PREX1: variants seen among roughly 807,000 people sequenced by gnomAD.
PREX1 encodes phosphatidylinositol-3,4,5-trisphosphate dependent Rac exchange factor 1, also known as phosphatidylinositol 3,4,5-trisphosphate-dependent Rac exchanger 1 protein.
Under a neutral mutation model 198.3 loss-of-function variants are expected in PREX1, and 41 were observed. That is an observed-to-expected ratio of 0.21 (90% confidence interval 0.16 to 0.27). The LOEUF is 0.27. Ranked by LOEUF, PREX1 falls within the 10% of genes least tolerant of loss-of-function variation. The probability of loss-of-function intolerance (pLI) is 1.00; values close to 1 mark genes in which losing one functional copy is unlikely to be tolerated. For missense variants in PREX1, 1,620 were observed against 2,200.7 expected (o/e 0.74, Z 5.28); for synonymous variants, 843 against 887.2 (o/e 0.95, Z 0.89).
rs1358985091 is a variant in PREX1 at position 48,791,448 on chromosome 20, C to T, written c.219+36194G>A. Among the ~76,000 whole-genome samples the T allele has an allele frequency of 3.3e-5, 5 of 152,188 alleles. No individual in the cohort carries two copies. The South Asian group carries it at 8.3e-4, about 25-fold the overall frequency. On this transcript the variant is annotated intron_variant, in intron 1 of 39. Transcript: ENST00000371941. ...GGTCAAGTCATTTGCCCCAAGGTCA[C>T]CCTGCTGGTGAGGGGTAAAGTCAAG... is the stretch of plus-strand genomic sequence containing the variant.
the PREX1 span, among the ~76,000 whole-genome samples, chr20:48,860,381 G>A: frequency 6.6e-6 from 1 of 152,204 alleles, no homozygotes; most frequent in East Asian, 1.9e-4. Context: ...AGGGCAGAAT[G>A]GGGAGTTGTT....
At chr20:48,859,456 G>C in the PREX1 span, among the ~76,000 whole-genome samples, 1 of 152,146 alleles carries the variant, frequency 6.6e-6, no homozygotes, top group Non-Finnish European at 1.5e-5. Flanking sequence ...AGAACTTCCA[G>C]ACACAAATCA....
chr20:48,656,334 C>A, intron 18 of PREX1: 1 of 392,586 alleles, frequency 2.5e-6, no homozygotes. Flanking sequence ...GCCACCTTTG[C>A]CCCTGACAAT....
At chr20:48,883,121 G>C in the PREX1 span, among the ~76,000 whole-genome samples, 1 of 151,898 alleles carries the variant, frequency 6.6e-6, no homozygotes, top group Non-Finnish European at 1.5e-5. Context: ...TTTTAGTAGA[G>C]ACGGGGTTTC....
the PREX1 span, among the ~76,000 whole-genome samples, chr20:48,851,624 C>T: frequency 2.0e-5 from 3 of 152,120 alleles, no homozygotes; most frequent in South Asian, 2.1e-4. Context: ...TCCTGTGAGC[C>T]CCTTTAGCAC....
Position 48,679,719 on chromosome 20 carries a change from T to A in PREX1, c.1471A>T (p.Met491Leu). The A allele has an allele frequency of 6.2e-7, 1 of 1,613,740 alleles. No homozygotes were observed. Among genetic ancestry groups the A allele is most frequent in the Non-Finnish European group, 8.5e-7 (1 of 1,179,640 alleles). Residue 491 changes from methionine (M) to leucine (L), a missense_variant, in exon 12 of 40, where the codon ATG (methionine) becomes TTG (leucine). Coordinates refer to ENST00000371941, the MANE Select transcript of PREX1 (RefSeq NM_020820.4). ...DKHQFKNEQVMYRFRYDDGTY... is the reference protein window; with the variant it reads ...DKHQFKNEQVLYRFRYDDGTY... The stretch of plus-strand genomic sequence containing the variant: ...CCATCGTCGTAGCGGAAGCGATACA[T>A]CACCTGCTCATTCTTGAACTGGTGC...
At chr20:48,845,054 A>G in the PREX1 span, among the ~76,000 whole-genome samples, 1 of 152,210 alleles carries the variant, frequency 6.6e-6, no homozygotes, top group African/African-American at 2.4e-5. Flanking sequence ...ATCGCCATCT[A>G]TGTGATTTCT....
intron 5 of PREX1, among the ~76,000 whole-genome samples, chr20:48,718,674 C>T (rs1271637824): frequency 6.6e-6 from 1 of 152,002 alleles, no homozygotes; most frequent in African/African-American, 2.4e-5. Flanking sequence ...GATAGGTCAA[C>T]CACAAAAGGA....
At chr20:48,743,695 T>G (rs1012935237) in intron 3 of PREX1, among the ~76,000 whole-genome samples, 1 of 152,254 alleles carries the variant, frequency 6.6e-6, no homozygotes. Context: ...CCTCACAATG[T>G]CCTGGATTTA....
intron 7 of PREX1, among the ~76,000 whole-genome samples, chr20:48,696,497 A>G (rs953085882): frequency 2.0e-5 from 3 of 152,316 alleles, no homozygotes; most frequent in Non-Finnish European, 4.4e-5. Context: ...AGGACTTGGA[A>G]TCCAGTAATA....
Position 48,625,816 on chromosome 20 carries a change from G to T in PREX1, c.*69C>A. 1 of 1,472,834 alleles carries T rather than the reference G, an allele frequency of 6.8e-7. No individual in the cohort carries two copies. Among genetic ancestry groups the T allele is most frequent in the South Asian group, 1.3e-5 (1 of 79,484 alleles). 91.2% of individuals were successfully genotyped at this position (1,472,834 alleles called of 1,614,324 possible). Reference sequence around the variant, plus strand: ...CTTGGGCCATCCCTGGAGAAGGCCAGCGCTGCCTGCTGTGTCCTCCCAAAT... The same window carrying T: ...CTTGGGCCATCCCTGGAGAAGGCCATCGCTGCCTGCTGTGTCCTCCCAAAT... On this transcript the variant is annotated 3_prime_UTR_variant, in exon 40 of 40. Coordinates refer to ENST00000371941, the MANE Select transcript of PREX1 (RefSeq NM_020820.4).
chr20:48,715,931 C>T (rs933005308), intron 5 of PREX1, among the ~76,000 whole-genome samples: 1 of 152,198 alleles, frequency 6.6e-6, no homozygotes, highest in African/African-American at 2.4e-5. Flanking sequence ...TTAAAACCCT[C>T]TTGCCCAAGG....
At chr20:48,786,299 C>T (rs2090311968) in intron 1 of PREX1, among the ~76,000 whole-genome samples, 1 of 152,126 alleles carries the variant, frequency 6.6e-6, no homozygotes, top group African/African-American at 2.4e-5. Flanking sequence ...AGGTTTTGGA[C>T]TTTCTAAAGG....
intron 28 of PREX1, 57 bp downstream of exon 28, chr20:48,642,349 TC>T: frequency 6.2e-7 from 1 of 1,603,646 alleles, no homozygotes; most frequent in Non-Finnish European, 8.5e-7. Flanking sequence ...TCATGGGCCC[TC>T]CCCAGGTGTG....
intron 36 of PREX1, 44 bp from the exon 37 acceptor site, chr20:48,629,665 T>C: frequency 6.3e-7 from 1 of 1,587,444 alleles, no homozygotes; most frequent in Non-Finnish European, 8.6e-7. Context: ...GAGGAGGTCC[T>C]CACAGCCCCT....
chr20:48,798,682 T>C (rs571595755), intron 1 of PREX1, among the ~76,000 whole-genome samples: 1 of 152,292 alleles, frequency 6.6e-6, no homozygotes, highest in Non-Finnish European at 1.5e-5. Flanking sequence ...GGATGTGAGG[T>C]GAGCCCAAGC....
At chr20:48,681,451 C>A in intron 10 of PREX1, 116 bp from the exon 11 acceptor site, 1 of 976,392 alleles carries the variant, frequency 1.0e-6, no homozygotes, top group Non-Finnish European at 1.6e-6. Flanking sequence ...GAACTTCCCA[C>A]AGGGAAGCCG....
At chr20:48,713,867 A>G (rs1022425133) in intron 5 of PREX1, among the ~76,000 whole-genome samples, 2 of 144,196 alleles carry the variant, frequency 1.4e-5, no homozygotes, top group Non-Finnish European at 3.0e-5. Flanking sequence ...TAAAAAAAAA[A>G]AAAAAAAAAG....
chr20:48,803,044 C>G (rs1416617141), intron 1 of PREX1, among the ~76,000 whole-genome samples: 3 of 152,210 alleles, frequency 2.0e-5, no homozygotes, highest in Non-Finnish European at 4.4e-5. Context: ...AGGCCCTACT[C>G]CAGACCTGCT....
Sources: allele counts gnomAD v4.1 joint callset (sites outside exome capture counted in the v4.1 genomes callset), GRCh38; gene constraint gnomAD v4.1.1; transcripts MANE v1.5; gene names NCBI Gene and HGNC (gene_info 2026-07-23, HGNC 2026-07-21).